ARHGAP15: variants seen among roughly 807,000 people sequenced by gnomAD.
The protein encoded by ARHGAP15 is Rho GTPase activating protein 15, also known as rho GTPase-activating protein 15.
Under a neutral mutation model 63.7 loss-of-function variants are expected in ARHGAP15, and 51 were observed. That is an observed-to-expected ratio of 0.80 (90% CI 0.64 to 1.01). The LOEUF (loss-of-function observed/expected upper bound fraction) is 1.01, where lower values mean the gene tolerates loss of function less well. ARHGAP15 is among the 50% of genes least tolerant of loss of function. ARHGAP15 has a pLI of 0.00. For missense variants in ARHGAP15, 560 were observed against 564.6 expected, an observed-to-expected ratio of 0.99 and a Z score of 0.08; for synonymous variants, 191 against 193.8, an observed-to-expected ratio of 0.99 and a Z score of 0.12.
At chr2:143,606,657 A>T (rs1698044784) in intron 11 of ARHGAP15, 1 of 152,210 alleles carries the variant, frequency 6.6e-6, no homozygotes, top group African/African-American at 2.4e-5. Context: ...ATCCACATGC[A>T]ACCATAAAGC....
At chr2:143,153,393 GA>G (rs967200697) in intron 1 of ARHGAP15, among the ~76,000 whole-genome samples, 3 of 151,462 alleles carry the variant, frequency 2.0e-5, no homozygotes, top group Non-Finnish European at 2.9e-5. Flanking sequence ...CATACTTATT[GA>G]AAAAAACTCT....
intron 9 of ARHGAP15, among the ~76,000 whole-genome samples, chr2:143,508,198 A>T (rs959937537): frequency 3.3e-5 from 5 of 152,084 alleles, no homozygotes. Context: ...CCAGCCACTC[A>T]GGCCTTCCTG....
intron 2 of ARHGAP15, among the ~76,000 whole-genome samples, chr2:143,180,209 A>C (rs1476100983): frequency 6.6e-6 from 1 of 152,222 alleles, no homozygotes; most frequent in Non-Finnish European, 1.5e-5. Flanking sequence ...AATCCTTTCA[A>C]ACTCTGCTGC....
chr2:143,622,502 A>G (rs528275179), intron 11 of ARHGAP15, among the ~76,000 whole-genome samples: 115 of 152,290 alleles, frequency 7.6e-4, no homozygotes, highest in African/African-American at 2.6e-3. Context: ...TGGCCTGCTA[A>G]GATGCTGTCG....
At position 143,220,079 on chromosome 2, in the gene ARHGAP15, G is replaced by A. The variant is rs1053939550; in HGVS notation, c.296+3634G>A. Among the ~76,000 whole-genome samples the A allele has an allele frequency of 2.0e-5, 3 of 152,160 alleles. No homozygotes were observed. In the East Asian group the frequency reaches 5.8e-4, roughly 29 times the overall value. On this transcript the variant is annotated intron_variant, in intron 4 of 13. Coordinates refer to ENST00000295095, the MANE Select transcript of ARHGAP15 (RefSeq NM_018460.4). The stretch of plus-strand genomic sequence containing the variant: ...AAGAACATGATAATCCCATTATGTT[G>A]ATAGGCTATAATATGCCAAATCATC...
chr2:143,408,005 A>G lies in ARHGAP15; in HGVS notation c.475-27596A>G, dbSNP rs1414165860. 1.1e-3 allele frequency among the ~76,000 whole-genome samples: 79 copies of G among 74,408 alleles called. 1 individual carries two copies. The highest frequency in any genetic ancestry group is 2.5e-3 in the African/African-American group (41 of 16,574). 48.8% of individuals were successfully genotyped at this position (74,408 alleles called of 152,430 possible). On this transcript the variant is annotated intron_variant, in intron 6 of 13. Transcript: ENST00000295095. Reference sequence around the variant, plus strand: ...TGTGTGTGTATATATATATATATATATATATATATATATATATATATATAT... The same window carrying G: ...TGTGTGTGTATATATATATATATATGTATATATATATATATATATATATAT...
At chr2:143,601,539 G>A (rs1338112732) in intron 11 of ARHGAP15, 1 of 152,146 alleles carries the variant, frequency 6.6e-6, no homozygotes, top group Non-Finnish European at 1.5e-5. Context: ...TGATTATTCT[G>A]ATGAAGTGGA....
intron 11 of ARHGAP15, among the ~76,000 whole-genome samples, chr2:143,606,057 A>AAAAAAAAAAAAAAT (rs1698008384): frequency 7.4e-6 from 1 of 135,928 alleles, no homozygotes; most frequent in African/African-American, 2.7e-5. Context: ...AAAAAAAAAA[A>AAAAAAAAAAAAAAT]AAAAAAAAAA....
intron 12 of ARHGAP15, among the ~76,000 whole-genome samples, chr2:143,663,300 A>T (rs1239128337): frequency 6.6e-6 from 1 of 151,630 alleles, no homozygotes; most frequent in Non-Finnish European, 1.5e-5. Context: ...CCAGAATTTC[A>T]TACCCAGCCA....
intron 1 of ARHGAP15, among the ~76,000 whole-genome samples, chr2:143,151,277 A>G (rs1689805690): frequency 1.3e-5 from 2 of 151,976 alleles, no homozygotes; most frequent in Admixed American, 1.3e-4. Flanking sequence ...AAAGGCTAAA[A>G]AATAAGACCA....
intron 5 of ARHGAP15, chr2:143,236,096 A>T: frequency 8.3e-7 from 1 of 1,202,488 alleles, no homozygotes; most frequent in African/African-American, 1.6e-5. Context: ...TTCTCTCAAC[A>T]GTTAACAACT....
rs189373619 is a variant in ARHGAP15, at chr2:143,558,442, C to T, written c.1003+1957C>T. Among the ~76,000 whole-genome samples the T allele has an allele frequency of 5.9e-5, 9 of 152,254 alleles. No homozygotes were observed. The East Asian group carries it at 1.4e-3, about 23-fold the overall frequency. On this transcript the variant is annotated intron_variant, in intron 11 of 13. Coordinates refer to ENST00000295095, the MANE Select transcript of ARHGAP15 (RefSeq NM_018460.4). ...TGAATTTACAGTAGTACATTCACAT[C>T]TAACTTTTAAAATTCCATCTATTAT... is the stretch of plus-strand genomic sequence containing the variant.
At chr2:143,518,510 G>A (rs1447742865) in intron 9 of ARHGAP15, among the ~76,000 whole-genome samples, 1 of 152,188 alleles carries the variant, frequency 6.6e-6, no homozygotes, top group Non-Finnish European at 1.5e-5. Flanking sequence ...GCACACATTG[G>A]CATATCATGG....
At chr2:143,137,754 A>T (rs1189618555) in intron 1 of ARHGAP15, among the ~76,000 whole-genome samples, 1 of 152,072 alleles carries the variant, frequency 6.6e-6, no homozygotes, top group Non-Finnish European at 1.5e-5. Context: ...TAAAAGAGCT[A>T]TGGAAGGTAG....
At chr2:143,335,161 AT>A (rs1449196486) in intron 6 of ARHGAP15, among the ~76,000 whole-genome samples, 3 of 152,210 alleles carry the variant, frequency 2.0e-5, no homozygotes, top group Non-Finnish European at 2.9e-5. Flanking sequence ...GGACACTTTT[AT>A]TGAGAATCCC....
chr2:143,605,640 A>G (rs541188985), intron 11 of ARHGAP15, among the ~76,000 whole-genome samples: 2 of 152,052 alleles, frequency 1.3e-5, no homozygotes, highest in African/African-American at 4.8e-5. Context: ...GATTCGCGGC[A>G]TTTAAAGTAA....
intron 1 of ARHGAP15, among the ~76,000 whole-genome samples, chr2:143,146,169 G>T: frequency 6.6e-6 from 1 of 151,832 alleles, no homozygotes; most frequent in East Asian, 1.9e-4. Flanking sequence ...GAGTGAAAAA[G>T]CAACCCACAA....
intron 13 of ARHGAP15, among the ~76,000 whole-genome samples, chr2:143,715,769 T>C (rs964627607): frequency 6.6e-6 from 1 of 152,252 alleles, no homozygotes; most frequent in East Asian, 1.9e-4. Context: ...CCATTGCTTT[T>C]GGCATCTTCA....
intron 1 of ARHGAP15, among the ~76,000 whole-genome samples, chr2:143,153,513 A>G (rs1398619834): frequency 6.6e-6 from 1 of 152,008 alleles, no homozygotes; most frequent in African/African-American, 2.4e-5. Context: ...CAACTTTTCT[A>G]TAAACATCTT....
Sources: gnomAD v4.1 joint callset for allele counts (sites outside exome capture counted in the v4.1 genomes callset) on GRCh38, gnomAD v4.1.1 for gene constraint, MANE v1.5 for transcripts, NCBI Gene and HGNC (gene_info 2026-07-23, HGNC 2026-07-21) for gene names.